The following KIF16B variants were observed in gnomAD, a reference collection of about 807,000 sequenced individuals.
KIF16B encodes the protein kinesin family member 16B.
In KIF16B, 98 loss-of-function variants were observed where a neutral mutation model predicts 156.3. The ratio of observed to expected loss-of-function variants is 0.63; its 90% confidence interval spans 0.53 to 0.74. The LOEUF (loss-of-function observed/expected upper bound fraction) is 0.74. Ranked by LOEUF, KIF16B falls within the 30% of genes least tolerant of loss-of-function variation. KIF16B has a pLI of 0.00. For synonymous variants in KIF16B, 564 were observed against 583.7 expected (o/e 0.97, Z 0.49); for missense variants, 1,421 against 1,606.5 (o/e 0.88, Z 1.97).
At chr20:16,273,534 T>TA in intron 25 of KIF16B, 123 bp from the exon 26 acceptor site, 1 of 723,798 alleles carries the variant, frequency 1.4e-6, no homozygotes, top group Admixed American at 2.5e-5. Flanking sequence ...CTACAAAAAA[T>TA]AAAGAAATTA....
At position 16,437,976 on chromosome 20, in the gene KIF16B, T is replaced by TAAAA. The variant is rs1175714230; in HGVS notation, c.1303-7998_1303-7995dup. Among the ~76,000 whole-genome samples the TAAAA allele has an allele frequency of 1.4e-3, 156 of 107,768 alleles. 1 individual carries two copies. The highest frequency in any genetic ancestry group is 5.3e-3 in the African/African-American group (148 of 27,726). 70.7% of individuals were successfully genotyped at this position (107,768 alleles called of 152,430 possible). On this transcript the variant is annotated intron_variant, in intron 12 of 25. Transcript: ENST00000354981. ...GGTGAAACCCCATCTCTACTAAAAA[T>TAAAA]AAAAAAAAATAATAAAAAAAAAAAA...
intron 15 of KIF16B, among the ~76,000 whole-genome samples, chr20:16,419,420 T>C (rs1326985523): frequency 1.3e-5 from 2 of 152,136 alleles, no homozygotes; most frequent in African/African-American, 4.8e-5. Context: ...AAAATTCTTT[T>C]TTAATTTGTC....
At chr20:16,386,294 A>G (rs1459634777) in intron 17 of KIF16B, among the ~76,000 whole-genome samples, 1 of 152,106 alleles carries the variant, frequency 6.6e-6, no homozygotes, top group Non-Finnish European at 1.5e-5. Context: ...AAAAATCTGG[A>G]AAGGGCAGAG....
chr20:16,477,698 T>C (rs1174507244), intron 12 of KIF16B, among the ~76,000 whole-genome samples: 1 of 152,196 alleles, frequency 6.6e-6, no homozygotes, highest in African/African-American at 2.4e-5. Context: ...GCTGAAAAGT[T>C]TTCTAAGATG....
intron 2 of KIF16B, among the ~76,000 whole-genome samples, chr20:16,528,144 G>A (rs1368649651): frequency 6.6e-6 from 1 of 152,122 alleles, no homozygotes; most frequent in African/African-American, 2.4e-5. Flanking sequence ...CAGAGCAACA[G>A]CTTGGATTTG....
intron 24 of KIF16B, among the ~76,000 whole-genome samples, chr20:16,313,154 G>A (rs1268088678): frequency 6.6e-6 from 1 of 152,178 alleles, no homozygotes; most frequent in Non-Finnish European, 1.5e-5. Context: ...AGCCAGTGTT[G>A]CCTTGGCTGA....
At chr20:16,372,222 AAAT>A (rs998445793) in intron 20 of KIF16B, among the ~76,000 whole-genome samples, 1 of 152,234 alleles carries the variant, frequency 6.6e-6, no homozygotes, top group Non-Finnish European at 1.5e-5. Flanking sequence ...AAAAAGAAAA[AAAT>A]AATAAGCAAG....
At chr20:16,517,175 G>A (rs769233735) in intron 3 of KIF16B, among the ~76,000 whole-genome samples, 2 of 152,206 alleles carry the variant, frequency 1.3e-5, no homozygotes, top group Admixed American at 1.3e-4. Context: ...GAACTCAGCT[G>A]TCTTCAGATC....
At chr20:16,453,486 A>G (rs891026052) in intron 12 of KIF16B, among the ~76,000 whole-genome samples, 1 of 152,150 alleles carries the variant, frequency 6.6e-6, no homozygotes, top group Non-Finnish European at 1.5e-5. Context: ...ATTCACATCC[A>G]CACACATACA....
rs192663586 is a variant in KIF16B, at chr20:16,358,110, A to G, written c.3499-1658T>C. On this transcript the variant is annotated intron_variant, in intron 22 of 25. Coordinates refer to ENST00000354981, the MANE Select transcript of KIF16B (RefSeq NM_024704.5). ...AGGCTGAGGCAGGAGAATCACTCGA[A>G]CCCGGGAGGCAGAGGTTGCAGTGAG... Among the ~76,000 whole-genome samples the G allele has an allele frequency of 9.2e-5, 14 of 152,130 alleles. No homozygotes were observed. In the East Asian group the frequency reaches 2.7e-3, roughly 29 times the overall value.
intron 1 of KIF16B, among the ~76,000 whole-genome samples, chr20:16,558,079 A>G (rs1254169972): frequency 2.6e-5 from 4 of 152,234 alleles, no homozygotes; most frequent in Non-Finnish European, 5.9e-5. Flanking sequence ...TAACTGAGAA[A>G]GCCCACATTG....
chr20:16,286,228 T>C (rs1440503711), intron 25 of KIF16B, among the ~76,000 whole-genome samples: 1 of 152,344 alleles, frequency 6.6e-6, no homozygotes, highest in East Asian at 1.9e-4. Context: ...CAATCTTATA[T>C]ACAAGCAAGT....
At chr20:16,359,067 G>A (rs2064500058) in intron 22 of KIF16B, among the ~76,000 whole-genome samples, 1 of 152,172 alleles carries the variant, frequency 6.6e-6, no homozygotes, top group Non-Finnish European at 1.5e-5. Context: ...TATTCTAAAG[G>A]TAGATTTGGG....
intron 1 of KIF16B, among the ~76,000 whole-genome samples, chr20:16,539,224 G>A (rs1027235522): frequency 2.0e-5 from 3 of 152,168 alleles, no homozygotes; most frequent in African/African-American, 7.2e-5. Context: ...GGTTGGAAGA[G>A]TCTGGAGAGC....
At chr20:16,562,931 G>C (rs985081976) in intron 1 of KIF16B, among the ~76,000 whole-genome samples, 1 of 152,158 alleles carries the variant, frequency 6.6e-6, no homozygotes, top group Non-Finnish European at 1.5e-5. Flanking sequence ...ATAGTACAGC[G>C]CAGGATTTAG....
At chr20:16,389,698 A>G (rs2065317674) in intron 17 of KIF16B, among the ~76,000 whole-genome samples, 1 of 152,150 alleles carries the variant, frequency 6.6e-6, no homozygotes, top group Admixed American at 6.5e-5. Flanking sequence ...TGTCCTATCC[A>G]ATCTTCTTCC....
chr20:16,415,805 A>G (rs1303045228), intron 15 of KIF16B, among the ~76,000 whole-genome samples: 1 of 152,130 alleles, frequency 6.6e-6, no homozygotes, highest in Non-Finnish European at 1.5e-5. Flanking sequence ...AGCAGTCTAA[A>G]CCACCCTCTG....
chr20:16,514,035 G>A (rs972507035), intron 4 of KIF16B, among the ~76,000 whole-genome samples: 7 of 152,140 alleles, frequency 4.6e-5, no homozygotes, highest in East Asian at 1.9e-4. Context: ...TGAGTCTTAC[G>A]TCGTATTTTT....
intron 16 of KIF16B, among the ~76,000 whole-genome samples, chr20:16,405,638 G>A (rs145238397): frequency 1.3e-5 from 2 of 152,230 alleles, no homozygotes; most frequent in East Asian, 1.9e-4. Flanking sequence ...CCCATTTGCC[G>A]GCTACAGAAC....
Sources: gnomAD v4.1 joint callset for allele counts (sites outside exome capture counted in the v4.1 genomes callset) on GRCh38, gnomAD v4.1.1 for gene constraint, MANE v1.5 for transcripts, NCBI Gene and HGNC (gene_info 2026-07-23, HGNC 2026-07-21) for gene names.